The following KDM1B variants were observed in gnomAD, a reference collection of about 807,000 sequenced individuals.
KDM1B encodes the protein lysine-specific histone demethylase 2.
KDM1B carries 63 observed loss-of-function variants against 107.4 expected under a neutral mutation model. The ratio of observed to expected loss-of-function variants is 0.59; its 90% CI spans 0.48 to 0.72. KDM1B has a LOEUF of 0.72. Among genes scored for constraint, KDM1B ranks in the 30% least tolerant of loss-of-function variants. The probability of loss-of-function intolerance (pLI) is 0.00; values close to 1 mark genes in which losing one functional copy is unlikely to be tolerated. For missense variants in KDM1B, 749 were observed against 1,020.8 expected (o/e 0.73, Z 3.63); for synonymous variants, 363 against 363.9 (o/e 1.00, Z 0.03).
intron 2 of KDM1B, among the ~76,000 whole-genome samples, chr6:18,157,136 G>A (rs79494470): frequency 0.031 from 4,743 of 152,168 alleles, 186 homozygotes; most frequent in African/African-American, 0.096. Context: ...ATATTTAGGT[G>A]TGTTTATTAA....
At chr6:18,221,880 A>G (rs1189752625) in intron 21 of KDM1B, 29 bp from the exon 22 acceptor site, 13 of 1,548,948 alleles carry the variant, frequency 8.4e-6, no homozygotes, top group Non-Finnish European at 1.1e-5. Flanking sequence ...TCTATGCATG[A>G]TCTCAAATTA....
At chr6:18,180,237 C>A (rs1275946060) in intron 7 of KDM1B, among the ~76,000 whole-genome samples, 1 of 151,848 alleles carries the variant, frequency 6.6e-6, no homozygotes, top group African/African-American at 2.4e-5. Context: ...GAGCTGGGAA[C>A]TGAGCAATGA....
chr6:18,173,944 C>A (rs1033819401), intron 7 of KDM1B, among the ~76,000 whole-genome samples: 19 of 152,250 alleles, frequency 1.2e-4, no homozygotes, highest in African/African-American at 3.9e-4. Context: ...CACCACCACA[C>A]CTGGCTAATT....
Position 18,160,002 on chromosome 6 carries a change from T to C in KDM1B, c.87+20T>C. ...AGGCAGGTAGTGTTCATTTATTCAT[T>C]CAACAAGCCTTTTTTGAGCATGCAG... On this transcript the variant is annotated intron_variant, in intron 3 of 21. Transcript: ENST00000650836. 2 of 1,514,410 alleles carry C rather than the reference T, an allele frequency of 1.3e-6. No homozygotes were observed. Among genetic ancestry groups the C allele is most frequent in the Non-Finnish European group, 1.8e-6 (2 of 1,107,322 alleles). The allele number at this position is 1,514,410 out of a possible 1,614,324, so 93.8% of individuals were successfully genotyped here. A position where few individuals can be genotyped will look rare whatever the true frequency, so the allele number is the denominator to read the frequency against.
intron 7 of KDM1B, 68 bp from the exon 8 acceptor site, chr6:18,185,704 A>G (rs1243622539): frequency 6.9e-6 from 9 of 1,313,230 alleles, no homozygotes; most frequent in Non-Finnish European, 9.9e-6. Flanking sequence ...ATCTTATTGA[A>G]GATAAATGGA....
intron 7 of KDM1B, among the ~76,000 whole-genome samples, chr6:18,177,669 A>T (rs1786114501): frequency 6.6e-6 from 1 of 151,908 alleles, no homozygotes; most frequent in African/African-American, 2.4e-5. Flanking sequence ...CCAGCCTCCC[A>T]AAGTGCTGGG....
chr6:18,199,108 G>A (rs1320811545), intron 12 of KDM1B, among the ~76,000 whole-genome samples: 1 of 151,818 alleles, frequency 6.6e-6, no homozygotes, highest in Non-Finnish European at 1.5e-5. Context: ...TGAGGTGGGA[G>A]GATCTCTTGA....
At chr6:18,218,725 T>G (rs1311282317) in intron 21 of KDM1B, among the ~76,000 whole-genome samples, 3 of 152,082 alleles carry the variant, frequency 2.0e-5, no homozygotes, top group Non-Finnish European at 4.4e-5. Context: ...TGGGTTTGTC[T>G]CTCATTTACA....
chr6:18,190,951 A>G (rs769736201), intron 9 of KDM1B, among the ~76,000 whole-genome samples: 14 of 152,068 alleles, frequency 9.2e-5, no homozygotes, highest in Admixed American at 1.3e-4. Context: ...TTTTTTTACC[A>G]CAGTTAAAAA....
At chr6:18,207,209 CAAAT>C (rs139241005) in intron 15 of KDM1B, among the ~76,000 whole-genome samples, 185 bp from the exon 16 acceptor site, 2,805 of 152,258 alleles carry the variant, frequency 0.018, 68 homozygotes, top group African/African-American at 0.064. Context: ...CTTTTGTTCT[CAAAT>C]AAACTTTCCT....
chr6:18,166,433 G>T, intron 6 of KDM1B, 55 bp downstream of exon 6: 3 of 986,488 alleles, frequency 3.0e-6, no homozygotes, highest in South Asian at 1.3e-5. Context: ...AAATGCAAGA[G>T]GCATGGATGA....
chr6:18,171,197 A>G (rs1207515378), intron 6 of KDM1B, among the ~76,000 whole-genome samples, 166 bp from the exon 7 acceptor site: 1 of 152,208 alleles, frequency 6.6e-6, no homozygotes, highest in African/African-American at 2.4e-5. Flanking sequence ...ATCAGAAATT[A>G]TCCTAATGGG....
Position 18,201,783 on chromosome 6 carries a change from T to A in KDM1B, c.1531+126T>A, listed in dbSNP as rs1188812796. ...ACAGGGTAGCCCTCCTGAGCATTTC[T>A]TTTGGACTGATGGATTCTCCAAGTT... On this transcript the variant is annotated intron_variant, in intron 14 of 21. Transcript: ENST00000650836. This position sits in a 1 kb window ranked among gnomAD's most constrained non-coding sequence, Gnocchi z 4.3. The A allele has an allele frequency of 2.6e-6, 2 of 767,054 alleles. No homozygotes were observed. The highest frequency in any genetic ancestry group is 4.1e-6 in the Non-Finnish European group (2 of 489,508). 47.5% of individuals were successfully genotyped at this position (767,054 alleles called of 1,614,324 possible).
chr6:18,223,854 A>C lies in KDM1B; in HGVS notation c.*1862A>C, dbSNP rs1789985433. The C allele has an allele frequency of 6.6e-6, 1 of 152,168 alleles. No individual in the cohort carries two copies. The highest frequency in any genetic ancestry group is 2.1e-4 in the South Asian group (1 of 4,832). 9.4% of individuals were successfully genotyped at this position (152,168 alleles called of 1,614,324 possible). On this transcript the variant is annotated 3_prime_UTR_variant, in exon 22 of 22. Coordinates refer to ENST00000650836, the MANE Select transcript of KDM1B (RefSeq NM_001364614.2). The stretch of plus-strand genomic sequence containing the variant: ...AATAAAAAACTAGACTTTCACATGT[A>C]CTCTGTACTGTAGTGGTGATACATC...
At chr6:18,208,005 C>A in intron 16 of KDM1B, 127 bp from the exon 17 acceptor site, 2 of 726,978 alleles carry the variant, frequency 2.8e-6, no homozygotes, top group South Asian at 3.0e-5. Context: ...TTGTTTAGAT[C>A]TCTGAATGCC....
At position 18,200,715 on chromosome 6, in the gene KDM1B, C is replaced by T; in HGVS notation, c.1359+139C>T. ...CTCCTATGCAAAGCAGTAAGAATTA[C>T]ACTTCTGCCTTTCTGAGAAGGTAGA... On this transcript the variant is annotated intron_variant, in intron 13 of 21. Transcript: ENST00000650836. This position sits in a 1 kb window ranked among gnomAD's most constrained non-coding sequence, Gnocchi z 4.3. The T allele has an allele frequency of 1.6e-6, 1 of 609,046 alleles. No individual in the cohort carries two copies. The highest frequency in any genetic ancestry group is 4.4e-5 in the South Asian group (1 of 22,980). 37.7% of individuals were successfully genotyped at this position (609,046 alleles called of 1,614,324 possible). A position where few individuals can be genotyped will look rare whatever the true frequency, so the allele number is the denominator to read the frequency against.
At position 18,223,568 on chromosome 6, in the gene KDM1B, T is replaced by TATG. The variant is rs1253210659; in HGVS notation, c.*1577_*1579dup. The TATG allele has an allele frequency of 6.6e-6, 1 of 152,066 alleles. No homozygotes were observed. The highest frequency in any genetic ancestry group is 1.9e-4 in the East Asian group (1 of 5,202). The allele number at this position is 152,066 out of a possible 1,614,324, so 9.4% of individuals were successfully genotyped here. On this transcript the variant is annotated 3_prime_UTR_variant, in exon 22 of 22. Coordinates refer to ENST00000650836, the MANE Select transcript of KDM1B (RefSeq NM_001364614.2). ...TTTGAAATGGTTAACAGTAAATTAT[T>TATG]ATGTTAGTTTCCAGGCACTTGAACT...
At chr6:18,207,596 C>T (rs1055211549) in intron 16 of KDM1B, 67 bp downstream of exon 16, 49 of 1,589,524 alleles carry the variant, frequency 3.1e-5, no homozygotes, top group African/African-American at 1.3e-4. Context: ...TCTGGGCATG[C>T]GGCTCACGCA....
At chr6:18,177,374 G>A (rs960180802) in intron 7 of KDM1B, among the ~76,000 whole-genome samples, 1 of 150,960 alleles carries the variant, frequency 6.6e-6, no homozygotes, top group Non-Finnish European at 1.5e-5. Flanking sequence ...CTTGCTAATT[G>A]TCTATCAACT....
Sources: gnomAD v4.1 joint callset for allele counts (sites outside exome capture counted in the v4.1 genomes callset) on GRCh38, gnomAD v4.1.1 for gene constraint, Gnocchi (gnomAD v3.1) non-coding constraint, MANE v1.5 for transcripts, NCBI Gene and HGNC (gene_info 2026-07-23, HGNC 2026-07-21) for gene names.